The following UNC79 variants were observed in gnomAD, a reference collection of about 807,000 sequenced individuals.
UNC79 encodes protein unc-79 homolog.
A neutral mutation model predicts 283.1 loss-of-function variants in UNC79; 37 were observed. The observed-to-expected ratio is 0.13, with a 90% CI of 0.10 to 0.17. The LOEUF (loss-of-function observed/expected upper bound fraction) is 0.17, where lower values mean the gene tolerates loss of function less well. Ranked by LOEUF, UNC79 falls within the 10% of genes least tolerant of loss-of-function variation. The pLI, the probability that UNC79 is intolerant of heterozygous loss-of-function variation, is 1.00. For synonymous variants in UNC79, 1,107 were observed against 1,200.2 expected, an observed-to-expected ratio of 0.92 and a Z score of 1.61; for missense variants, 2,272 against 3,211.1, an observed-to-expected ratio of 0.71 and a Z score of 7.07.
chr14:93,622,852 C>T lies in UNC79; in HGVS notation c.5608+11C>T, dbSNP rs1425501134. The T allele has an allele frequency of 1.2e-6, 2 of 1,607,584 alleles. No individual in the cohort carries two copies. Among genetic ancestry groups the T allele is most frequent in the Non-Finnish European group, 1.7e-6 (2 of 1,176,242 alleles). On this transcript the variant is annotated intron_variant, in intron 30 of 48. Coordinates refer to ENST00000555664, the Ensembl canonical transcript of UNC79. ...AACAGAAAGATCCAGGTAAGCTCGC[C>T]TCTCTTCTTTCTCTCAGCCTTAACT...
At position 93,690,286 on chromosome 14, in the gene UNC79, T is replaced by C; in HGVS notation, c.7255T>C (p.Phe2419Leu). Reference sequence around the variant, plus strand: ...CCATCTTATTGTTATCCTGATTGGATTTCCAGAGCAATCAAAGGTAAGTGA... The same window carrying C: ...CCATCTTATTGTTATCCTGATTGGACTTCCAGAGCAATCAAAGGTAAGTGA... The change falls in exon 45 of 49, where the codon TTT (phenylalanine) becomes CTT (leucine). Residue 2419 changes from phenylalanine to leucine, a missense_variant. Phe to Leu is a conservative substitution (Grantham distance 22, BLOSUM62 0). Around this residue, in one of 11 missense-constraint regions of UNC79, gnomAD observed 225 missense variants for 334.2 expected, o/e 0.67. Coordinates refer to ENST00000555664, the Ensembl canonical transcript of UNC79. The surrounding 1 kb of genome is among the most constrained non-coding windows in gnomAD (Gnocchi z 4.3). The C allele has an allele frequency of 6.2e-7, 1 of 1,613,708 alleles. No homozygotes were observed. Among genetic ancestry groups the C allele is most frequent in the Non-Finnish European group, 8.5e-7 (1 of 1,179,822 alleles).
chr14:93,586,374 A>G (rs2064224287), intron 20 of UNC79, among the ~76,000 whole-genome samples: 1 of 152,256 alleles, frequency 6.6e-6, no homozygotes, highest in South Asian at 2.1e-4. Context: ...TGGACTGCGC[A>G]GTGGAAAATG....
intron 39 of UNC79, among the ~76,000 whole-genome samples, chr14:93,661,331 A>G (rs1027247168): frequency 6.6e-6 from 1 of 152,236 alleles, no homozygotes; most frequent in Admixed American, 6.5e-5. Context: ...TATTTCCACT[A>G]CATATCAAAA....
intron 1 of UNC79, among the ~76,000 whole-genome samples, chr14:93,357,708 T>TATGGATATATGG (rs1566889628): frequency 2.3e-5 from 3 of 128,980 alleles, no homozygotes; most frequent in African/African-American, 9.2e-5. Context: ...TATATATATA[T>TATGGATATATGG]ATATATATAT....
At chr14:93,472,845 T>C (rs1056952542) in intron 2 of UNC79, among the ~76,000 whole-genome samples, 1 of 152,138 alleles carries the variant, frequency 6.6e-6, no homozygotes, top group Admixed American at 6.5e-5. Context: ...TTATAAACTG[T>C]TATCTACTTG....
intron 1 of UNC79, among the ~76,000 whole-genome samples, chr14:93,385,163 G>A (rs1295573245): frequency 6.6e-6 from 1 of 152,016 alleles, no homozygotes; most frequent in Non-Finnish European, 1.5e-5. Flanking sequence ...TTCTTTTATG[G>A]TTCCATATAA....
At chr14:93,467,939 G>A (rs2057299781) in intron 2 of UNC79, 148 bp downstream of exon 2, 1 of 1,049,650 alleles carries the variant, frequency 9.5e-7, no homozygotes, top group South Asian at 2.8e-5. Context: ...AAGTTCTCTG[G>A]GTGTATGTAG....
At chr14:93,536,353 C>T (rs936051266) in intron 11 of UNC79, among the ~76,000 whole-genome samples, 2 of 152,112 alleles carry the variant, frequency 1.3e-5, no homozygotes, top group Admixed American at 6.5e-5. Context: ...TAGTTAGGTG[C>T]GAGTCCTGCT....
chr14:93,534,575 T>C (rs1378940651), intron 11 of UNC79, among the ~76,000 whole-genome samples: 1 of 152,200 alleles, frequency 6.6e-6, no homozygotes, highest in Non-Finnish European at 1.5e-5. Context: ...CTGTTATAGC[T>C]GAGAGCCTCA....
At chr14:93,662,173 A>G (rs2071669409) in intron 39 of UNC79, among the ~76,000 whole-genome samples, 1 of 152,186 alleles carries the variant, frequency 6.6e-6, no homozygotes, top group Non-Finnish European at 1.5e-5. Flanking sequence ...GTACTTTAGT[A>G]CTTACACGTA....
chr14:93,375,664 T>C (rs2054540684), intron 1 of UNC79, among the ~76,000 whole-genome samples: 1 of 151,938 alleles, frequency 6.6e-6, no homozygotes, highest in South Asian at 2.1e-4. Context: ...GAGCAAGACA[T>C]CTCATATGGT....
chr14:93,357,058 C>T (rs1437958247), intron 1 of UNC79, among the ~76,000 whole-genome samples: 1 of 152,124 alleles, frequency 6.6e-6, no homozygotes, highest in Admixed American at 6.5e-5. Context: ...CCTTTGTTTC[C>T]ATGTGTACCC....
intron 11 of UNC79, among the ~76,000 whole-genome samples, chr14:93,534,052 G>A (rs1314947855): frequency 2.6e-5 from 4 of 152,196 alleles, no homozygotes; most frequent in Non-Finnish European, 4.4e-5. Flanking sequence ...AAGACACAAT[G>A]TTGAGACAGG....
intron 1 of UNC79, among the ~76,000 whole-genome samples, chr14:93,387,969 TC>T (rs1226116746): frequency 2.0e-5 from 3 of 152,236 alleles, no homozygotes; most frequent in African/African-American, 7.2e-5. Flanking sequence ...TTGCCCCCTT[TC>T]TTATTACGTA....
chr14:93,659,505 A>G (rs543941550), intron 39 of UNC79, among the ~76,000 whole-genome samples: 3 of 152,180 alleles, frequency 2.0e-5, no homozygotes, highest in South Asian at 4.1e-4. Context: ...CATCCCCCAT[A>G]CTACTAACTA....
chr14:93,350,644 G>T (rs2139911831), intron 1 of UNC79, among the ~76,000 whole-genome samples: 2 of 152,220 alleles, frequency 1.3e-5, no homozygotes, highest in East Asian at 3.9e-4. Flanking sequence ...GTATTGCTTT[G>T]CTTTTAGGGA....
intron 1 of UNC79, among the ~76,000 whole-genome samples, chr14:93,448,773 A>G (rs1439129174): frequency 2.0e-5 from 3 of 152,078 alleles, no homozygotes; most frequent in African/African-American, 4.8e-5. Context: ...ATTTGGGTCT[A>G]TTTTGCACTT....
chr14:93,339,938 C>T (rs193041789), intron 1 of UNC79, among the ~76,000 whole-genome samples: 4 of 152,212 alleles, frequency 2.6e-5, no homozygotes, highest in South Asian at 2.1e-4. Flanking sequence ...CTAGAGTGAA[C>T]GGGAAGTAAT....
At chr14:93,529,459 A>G in intron 10 of UNC79, 133 bp downstream of exon 10, 2 of 928,528 alleles carry the variant, frequency 2.2e-6, no homozygotes, top group South Asian at 3.6e-5. Context: ...ATTCATTGAT[A>G]TGAAGCATAA....
Sources: allele counts gnomAD v4.1 joint callset (sites outside exome capture counted in the v4.1 genomes callset), GRCh38; gene constraint gnomAD v4.1.1; regional missense constraint gnomAD v4.1.1; non-coding constraint Gnocchi (gnomAD v3.1); transcripts MANE v1.5; gene names NCBI Gene and HGNC (gene_info 2026-07-23, HGNC 2026-07-21).